The following RAB3C variants were observed in gnomAD, a reference collection of about 807,000 sequenced individuals.
The protein encoded by RAB3C is ras-related protein Rab-3C.
A neutral mutation model predicts 26.4 loss-of-function variants in RAB3C; 17 were observed. That is an observed-to-expected ratio of 0.64 (90% CI 0.44 to 0.97). The LOEUF (loss-of-function observed/expected upper bound fraction) is 0.97. RAB3C is among the 50% of genes least tolerant of loss of function. RAB3C has a pLI of 0.00. For synonymous variants in RAB3C, 91 were observed against 95.9 expected (o/e 0.95, Z 0.30); for missense variants, 242 against 281.9 (o/e 0.86, Z 1.01).
At chr5:58,684,960 TATTACTG>T (rs1467001403) in intron 2 of RAB3C, among the ~76,000 whole-genome samples, 1 of 152,226 alleles carries the variant, frequency 6.6e-6, no homozygotes, top group Non-Finnish European at 1.5e-5. Context: ...ACTGGTAATA[TATTACTG>T]AATATATTGC....
In RAB3C at chr5:58,729,970, G is replaced by C. The variant is rs189695585; in HGVS notation, c.371+3850G>C. Among the ~76,000 whole-genome samples the C allele has an allele frequency of 2.3e-3, 345 of 148,266 alleles. 1 individual carries two copies. Among genetic ancestry groups the C allele is most frequent in the African/African-American group, 7.6e-3 (308 of 40,648 alleles). ...AATCTAATATATATTTTGAATAGATGATCTAAAGTACTAAACAGAATTACA... is the reference window on the plus strand; with the variant it reads ...AATCTAATATATATTTTGAATAGATCATCTAAAGTACTAAACAGAATTACA... On this transcript the variant is annotated intron_variant, in intron 3 of 4. Coordinates refer to ENST00000282878, the MANE Select transcript of RAB3C (RefSeq NM_138453.4).
chr5:58,636,487 T>C (rs1003178855), intron 2 of RAB3C, among the ~76,000 whole-genome samples: 1 of 152,206 alleles, frequency 6.6e-6, no homozygotes, highest in East Asian at 1.9e-4. Flanking sequence ...TTCTGCCCCT[T>C]TATTTACTTT....
chr5:58,801,825 C>T (rs1306737712), intron 3 of RAB3C, among the ~76,000 whole-genome samples: 3 of 152,248 alleles, frequency 2.0e-5, no homozygotes, highest in Non-Finnish European at 2.9e-5. Context: ...GAATCTGCTC[C>T]TCAAGTAAAT....
intron 3 of RAB3C, among the ~76,000 whole-genome samples, chr5:58,798,378 G>T (rs1355318471): frequency 6.6e-6 from 1 of 152,174 alleles, no homozygotes; most frequent in Non-Finnish European, 1.5e-5. Context: ...GTTAACCTCA[G>T]CAGTAATGAG....
At chr5:58,756,374 A>C (rs1579901591) in intron 3 of RAB3C, among the ~76,000 whole-genome samples, 1 of 120,800 alleles carries the variant, frequency 8.3e-6, no homozygotes, top group Non-Finnish European at 1.7e-5. Flanking sequence ...ATATATATAT[A>C]ACTACTATAT....
chr5:58,736,637 TA>T (rs1275145718), intron 3 of RAB3C, among the ~76,000 whole-genome samples: 1 of 152,214 alleles, frequency 6.6e-6, no homozygotes, highest in Admixed American at 6.5e-5. Flanking sequence ...TTTTCTATAT[TA>T]AAGGCTCTCT....
At chr5:58,762,035 C>T (rs1320355353) in intron 3 of RAB3C, among the ~76,000 whole-genome samples, 8 of 148,952 alleles carry the variant, frequency 5.4e-5, no homozygotes, top group Non-Finnish European at 1.2e-4. Flanking sequence ...TTTTGGTTCC[C>T]TAGCAGCCAC....
intron 2 of RAB3C, among the ~76,000 whole-genome samples, chr5:58,687,394 T>C (rs1004942574): frequency 6.6e-6 from 1 of 152,164 alleles, no homozygotes; most frequent in East Asian, 1.9e-4. Flanking sequence ...TCCTTGACAC[T>C]GTTTCTTTTC....
intron 3 of RAB3C, among the ~76,000 whole-genome samples, chr5:58,768,446 G>T (rs548091461): frequency 7.9e-5 from 12 of 152,198 alleles, no homozygotes; most frequent in African/African-American, 2.9e-4. Flanking sequence ...AGGTGTAGCT[G>T]GGAGGCAGAC....
intron 2 of RAB3C, among the ~76,000 whole-genome samples, chr5:58,653,992 AC>A (rs1579839925): frequency 1.3e-5 from 2 of 152,296 alleles, no homozygotes; most frequent in East Asian, 3.9e-4. Context: ...TAACCCCAGA[AC>A]TGAATCCCAA....
intron 4 of RAB3C, among the ~76,000 whole-genome samples, chr5:58,844,090 G>A (rs1366481731): frequency 6.6e-6 from 1 of 152,198 alleles, no homozygotes; most frequent in Non-Finnish European, 1.5e-5. Flanking sequence ...TCTAATTGCG[G>A]AGCAAAACAC....
At position 58,851,272 on chromosome 5, in the gene RAB3C, A is replaced by C; in HGVS notation, c.605A>C (p.Asp202Ala). The change falls in exon 5 of 5, where the codon GAT becomes GCT. Residue 202 changes from aspartate to alanine, a missense_variant. Physicochemically the swap from Asp to Ala is moderately radical, Grantham distance 126. Transcript: ENST00000282878. The stretch of plus-strand genomic sequence containing the variant: ...AAAATGTCAGAGAGTTTGGAGACTG[A>C]TCCTGCCATCACTGCTGCAAAGCAG... ...CDKMSESLET[D>A]PAITAAKQNT... 2 of 1,613,926 alleles carry C rather than the reference A, an allele frequency of 1.2e-6. No homozygotes were observed. The highest frequency in any genetic ancestry group is 2.2e-5 in the South Asian group (2 of 91,054).
At chr5:58,831,535 A>G (rs890122836) in intron 4 of RAB3C, among the ~76,000 whole-genome samples, 1 of 152,228 alleles carries the variant, frequency 6.6e-6, no homozygotes, top group Non-Finnish European at 1.5e-5. Flanking sequence ...GATGATTACC[A>G]CTAAATTGTA....
At chr5:58,840,080 T>C (rs1209992680) in intron 4 of RAB3C, among the ~76,000 whole-genome samples, 2 of 152,040 alleles carry the variant, frequency 1.3e-5, no homozygotes, top group Non-Finnish European at 2.9e-5. Context: ...TCTTTTCCCT[T>C]CTTTTCTGCT....
At chr5:58,763,854 T>G (rs1021562541) in intron 3 of RAB3C, among the ~76,000 whole-genome samples, 1 of 152,132 alleles carries the variant, frequency 6.6e-6, no homozygotes, top group Non-Finnish European at 1.5e-5. Context: ...GGCATCATAA[T>G]AGGATGCACT....
chr5:58,811,211 A>C (rs1743079890), intron 3 of RAB3C, among the ~76,000 whole-genome samples: 1 of 152,214 alleles, frequency 6.6e-6, no homozygotes, highest in African/African-American at 2.4e-5. Flanking sequence ...TCTACAACCA[A>C]GGGCAAATGG....
chr5:58,728,167 A>C lies in RAB3C; in HGVS notation c.371+2047A>C, dbSNP rs749185179. ...CCAAAATTAGATGATCACTTGATTT[A>C]TTAGGGTTTTTTAATTCATTCAACA... On this transcript the variant is annotated intron_variant, in intron 3 of 4. Coordinates refer to ENST00000282878, the MANE Select transcript of RAB3C (RefSeq NM_138453.4). Among the ~76,000 whole-genome samples, 76 of 152,124 alleles carry C rather than the reference A, an allele frequency of 5.0e-4. 1 individual carries two copies. Among genetic ancestry groups the C allele is most frequent in the East Asian group, 3.9e-4 (2 of 5,162 alleles).
chr5:58,760,302 T>A (rs749378579), intron 3 of RAB3C, among the ~76,000 whole-genome samples: 10 of 152,152 alleles, frequency 6.6e-5, no homozygotes, highest in Non-Finnish European at 1.3e-4. Flanking sequence ...GAATATGAGC[T>A]CCCGGATGGA....
intron 3 of RAB3C, among the ~76,000 whole-genome samples, chr5:58,801,742 G>T (rs1020282760): frequency 6.6e-6 from 1 of 152,252 alleles, no homozygotes; most frequent in Non-Finnish European, 1.5e-5. Flanking sequence ...CTCTTGAAAT[G>T]TTGCAATGTA....
Sources: gnomAD v4.1 joint callset for allele counts (sites outside exome capture counted in the v4.1 genomes callset) on GRCh38, gnomAD v4.1.1 for gene constraint, MANE v1.5 for transcripts, NCBI Gene and HGNC (gene_info 2026-07-23, HGNC 2026-07-21) for gene names.